AGR3: variants seen among roughly 807,000 people sequenced by gnomAD.
The protein encoded by AGR3 is anterior gradient 3, protein disulphide isomerase family member.
A neutral mutation model predicts 24.5 loss-of-function variants in AGR3; 37 were observed. The observed-to-expected ratio is 1.51, with a 90% CI of 1.16 to 1.99. AGR3 has a LOEUF of 1.99. Among genes scored for constraint, AGR3 ranks in the 30% most tolerant of loss-of-function variants. The probability of loss-of-function intolerance (pLI) is 0.00; values close to 1 mark genes in which losing one functional copy is unlikely to be tolerated. For synonymous variants in AGR3, 75 were observed against 61.6 expected, an observed-to-expected ratio of 1.22 and a Z score of -1.02; for missense variants, 228 against 191.1, an observed-to-expected ratio of 1.19 and a Z score of -1.14.
chr7:16,867,903 A>C (rs540637659), intron 3 of AGR3, among the ~76,000 whole-genome samples: 5 of 152,262 alleles, frequency 3.3e-5, no homozygotes, highest in Non-Finnish European at 5.9e-5. Flanking sequence ...ATCATATGGT[A>C]GTTCTATTTT....
At chr7:16,879,835 G>T (rs531614313) in intron 1 of AGR3, among the ~76,000 whole-genome samples, 1 of 152,314 alleles carries the variant, frequency 6.6e-6, no homozygotes, top group Non-Finnish European at 1.5e-5. Flanking sequence ...TTATTGTAAA[G>T]TAGCAACCGC....
chr7:16,870,532 G>T (rs1248666985), intron 3 of AGR3, among the ~76,000 whole-genome samples: 2 of 151,984 alleles, frequency 1.3e-5, no homozygotes, highest in African/African-American at 4.8e-5. Flanking sequence ...TGTTGCTACT[G>T]TTGGAATGCT....
intron 7 of AGR3, among the ~76,000 whole-genome samples, chr7:16,860,246 T>A (rs745764909): frequency 5.3e-5 from 8 of 152,228 alleles, no homozygotes. Flanking sequence ...TTGTGTCATT[T>A]TAATGTGTAC....
At chr7:16,872,744 C>A (rs1206931798) in intron 3 of AGR3, among the ~76,000 whole-genome samples, 3 of 152,052 alleles carry the variant, frequency 2.0e-5, no homozygotes, top group African/African-American at 7.2e-5. Flanking sequence ...GGAACTCAAA[C>A]AACTCAACAA....
At chr7:16,875,524 G>C (rs1781970706) in intron 2 of AGR3, among the ~76,000 whole-genome samples, 1 of 151,664 alleles carries the variant, frequency 6.6e-6, no homozygotes, top group Non-Finnish European at 1.5e-5. Context: ...ATGATATTTG[G>C]GTTGTTTCCA....
chr7:16,880,115 C>G (rs1290030906), intron 1 of AGR3, among the ~76,000 whole-genome samples: 1 of 142,400 alleles, frequency 7.0e-6, no homozygotes, highest in African/African-American at 2.7e-5. Context: ...TTCTTTCCTT[C>G]CTTCCTTCCT....
At chr7:16,861,248 C>T (rs1781635971) in intron 6 of AGR3, 136 bp downstream of exon 6, 2 of 620,650 alleles carry the variant, frequency 3.2e-6, no homozygotes, top group Non-Finnish European at 5.4e-6. Context: ...GTAGAACTAA[C>T]AAGAGCTGAT....
At chr7:16,872,562 G>A (rs1037604166) in intron 3 of AGR3, among the ~76,000 whole-genome samples, 27 of 152,090 alleles carry the variant, frequency 1.8e-4, no homozygotes, top group Admixed American at 1.3e-3. Flanking sequence ...AAATGTATGG[G>A]TAAGATTTCA....
At chr7:16,881,498 C>T (rs1782116127) in intron 1 of AGR3, among the ~76,000 whole-genome samples, 1 of 152,162 alleles carries the variant, frequency 6.6e-6, no homozygotes, top group Non-Finnish European at 1.5e-5. Context: ...TACAGGCCTA[C>T]AGCAGCTTAA....
intron 2 of AGR3, among the ~76,000 whole-genome samples, chr7:16,875,339 A>G (rs958780587): frequency 6.6e-6 from 1 of 152,154 alleles, no homozygotes; most frequent in African/African-American, 2.4e-5. Context: ...TGGACATTTC[A>G]TATAAATGGA....
intron 2 of AGR3, among the ~76,000 whole-genome samples, chr7:16,877,925 T>C (rs1782021585): frequency 6.6e-6 from 1 of 152,012 alleles, no homozygotes; most frequent in African/African-American, 2.4e-5. Flanking sequence ...GAATATATAT[T>C]TGTTTCTTGG....
chr7:16,878,642 G>T lies in AGR3; in HGVS notation c.-24C>A, dbSNP rs748264889. ...ATGTCTTCTAGAGACTCTCTCAGAAGAAGCTAGATGACAGAAAGGAATTCT... is the reference window on the plus strand; with the variant it reads ...ATGTCTTCTAGAGACTCTCTCAGAATAAGCTAGATGACAGAAAGGAATTCT... On this transcript the variant is annotated 5_prime_UTR_variant, in exon 2 of 8. Transcript: ENST00000310398. 4 of 1,581,880 alleles carry T rather than the reference G, an allele frequency of 2.5e-6. No individual in the cohort carries two copies. Among genetic ancestry groups the T allele is most frequent in the Non-Finnish European group, 3.5e-6 (4 of 1,152,610 alleles).
intron 3 of AGR3, among the ~76,000 whole-genome samples, chr7:16,869,405 C>G (rs1781822050): frequency 6.6e-6 from 1 of 151,688 alleles, no homozygotes; most frequent in African/African-American, 2.4e-5. Flanking sequence ...TTTTTTGATC[C>G]TTTCAATTGC....
intron 1 of AGR3, among the ~76,000 whole-genome samples, chr7:16,880,509 T>TCTCCCCTC (rs1782092814): frequency 1.5e-4 from 1 of 6,772 alleles, no homozygotes; most frequent in African/African-American, 4.1e-4. Context: ...TTTCCCCTCC[T>TCTCCCCTC]CTTTCCCCTC....
At position 16,873,830 on chromosome 7, in the gene AGR3, G is replaced by A. The variant is rs760436300; in HGVS notation, c.123C>T (p.Asp41=). The A allele has an allele frequency of 3.7e-6, 6 of 1,612,770 alleles. No homozygotes were observed. The highest frequency in any genetic ancestry group is 1.1e-5 in the South Asian group (1 of 91,046). ...PQTLSRGWGD[D]ITWVQTYEEG... The stretch of plus-strand genomic sequence containing the variant: ...CTTCATAAGTTTGTACCCAAGTGAT[G>A]TCATCTCCCCATCCTGAAATAGAAG... The change falls in exon 3 of 8, where the codon GAC becomes GAT. Residue 41 remains aspartate (D), a synonymous_variant. Coordinates refer to ENST00000310398, the MANE Select transcript of AGR3 (RefSeq NM_176813.5).
At chr7:16,867,907 C>A (rs1007644716) in intron 3 of AGR3, among the ~76,000 whole-genome samples, 1 of 152,092 alleles carries the variant, frequency 6.6e-6, no homozygotes, top group Non-Finnish European at 1.5e-5. Context: ...TATGGTAGTT[C>A]TATTTTTAAT....
At chr7:16,868,145 G>T (rs1247210984) in intron 3 of AGR3, among the ~76,000 whole-genome samples, 1 of 149,160 alleles carries the variant, frequency 6.7e-6, no homozygotes, top group Non-Finnish European at 1.5e-5. Context: ...TCATCTACCT[G>T]TTGGCCCTTT....
At chr7:16,878,398 A>C (rs915460411) in intron 2 of AGR3, 112 bp downstream of exon 2, 498 of 897,772 alleles carry the variant, frequency 5.5e-4, no homozygotes, top group Middle Eastern at 2.8e-4. Context: ...CACAACAAAA[A>C]TCATTCAGTT....
At chr7:16,855,987 TA>T (rs71551761), downstream of AGR3, among the ~76,000 whole-genome samples, 53,074 of 152,088 alleles carry the variant, frequency 0.35, 10,478 homozygotes, top group Admixed American at 0.48. Context: ...TCCATGATGG[TA>T]AAATACATTC....
Sources: gnomAD v4.1 joint callset for allele counts (sites outside exome capture counted in the v4.1 genomes callset) on GRCh38, gnomAD v4.1.1 for gene constraint, MANE v1.5 for transcripts, NCBI Gene and HGNC (gene_info 2026-07-23, HGNC 2026-07-21) for gene names.